Variants in PHLPP1 observed in about 807,000 individuals in gnomAD.
PHLPP1 encodes PH domain leucine-rich repeat-containing protein phosphatase 1.
Under a neutral mutation model 117.2 loss-of-function variants are expected in PHLPP1, and 42 were observed. That is an observed-to-expected ratio of 0.36 (90% CI 0.28 to 0.46). PHLPP1 has a LOEUF of 0.46. Ranked by LOEUF, PHLPP1 falls within the 20% of genes least tolerant of loss-of-function variation. PHLPP1 has a pLI of 1.00. For synonymous variants in PHLPP1, 1,042 were observed against 970.7 expected, an observed-to-expected ratio of 1.07 and a Z score of -1.37; for missense variants, 2,084 against 2,241.9, an observed-to-expected ratio of 0.93 and a Z score of 1.42.
chr18:62,764,176 A>C (rs897982158), intron 1 of PHLPP1, among the ~76,000 whole-genome samples: 2 of 151,260 alleles, frequency 1.3e-5, no homozygotes, highest in Non-Finnish European at 2.9e-5. Flanking sequence ...AAAAAAAAAA[A>C]AAAAAAACAA....
intron 10 of PHLPP1, among the ~76,000 whole-genome samples, chr18:62,930,141 T>C (rs1243738585): frequency 6.6e-6 from 1 of 152,034 alleles, no homozygotes; most frequent in Non-Finnish European, 1.5e-5. Flanking sequence ...AAGACATAAG[T>C]ACAAAGATAA....
At chr18:62,822,136 G>A (rs1055332362) in intron 1 of PHLPP1, among the ~76,000 whole-genome samples, 1 of 151,886 alleles carries the variant, frequency 6.6e-6, no homozygotes, top group Non-Finnish European at 1.5e-5. Context: ...AATCATCTTA[G>A]TTGGTGGCAG....
chr18:62,942,912 T>C (rs551451055), intron 11 of PHLPP1, among the ~76,000 whole-genome samples: 104 of 152,320 alleles, frequency 6.8e-4, no homozygotes, highest in Non-Finnish European at 1.3e-3. Flanking sequence ...TGTAATGAAA[T>C]ATTTACTTTC....
chr18:62,754,762 TAAGAG>T (rs2144239907), intron 1 of PHLPP1, among the ~76,000 whole-genome samples: 1 of 152,280 alleles, frequency 6.6e-6, no homozygotes, highest in Non-Finnish European at 1.5e-5. Context: ...ACATATAAAT[TAAGAG>T]AGAAGAAATA....
intron 1 of PHLPP1, among the ~76,000 whole-genome samples, chr18:62,762,368 T>G (rs1354885749): frequency 6.7e-6 from 1 of 150,086 alleles, no homozygotes; most frequent in East Asian, 1.9e-4. Flanking sequence ...AAGAAACTAG[T>G]GTTTTTCTAG....
chr18:62,971,438 A>G (rs1214088645), intron 14 of PHLPP1, among the ~76,000 whole-genome samples: 1 of 151,494 alleles, frequency 6.6e-6, no homozygotes, highest in East Asian at 1.9e-4. Flanking sequence ...TTGCTTGGAA[A>G]CAGTTTGATT....
At chr18:62,739,499 C>T (rs1007214334) in intron 1 of PHLPP1, among the ~76,000 whole-genome samples, 1 of 151,810 alleles carries the variant, frequency 6.6e-6, no homozygotes, top group African/African-American at 2.4e-5. Flanking sequence ...TTGATTGGTA[C>T]CCTTATGGTT....
chr18:62,842,775 T>C (rs1454810317), intron 3 of PHLPP1, among the ~76,000 whole-genome samples: 1 of 152,200 alleles, frequency 6.6e-6, no homozygotes, highest in African/African-American at 2.4e-5. Context: ...GACAAATGAA[T>C]TGTAAAGGAC....
At chr18:62,827,435 T>G (rs1914640258) in intron 1 of PHLPP1, among the ~76,000 whole-genome samples, 1 of 152,182 alleles carries the variant, frequency 6.6e-6, no homozygotes. Context: ...GCAAAAATAT[T>G]CCTTATGTTG....
chr18:62,845,021 A>G (rs1322080926), intron 3 of PHLPP1, among the ~76,000 whole-genome samples: 5 of 152,216 alleles, frequency 3.3e-5, no homozygotes, highest in African/African-American at 1.2e-4. Context: ...TAGGCATTTT[A>G]TCTTCAACAT....
intron 10 of PHLPP1, among the ~76,000 whole-genome samples, chr18:62,938,260 G>A (rs1299594293): frequency 6.6e-6 from 1 of 152,172 alleles, no homozygotes; most frequent in Non-Finnish European, 1.5e-5. Context: ...ATCATACAGA[G>A]TTGAGACCTG....
intron 8 of PHLPP1, among the ~76,000 whole-genome samples, chr18:62,914,632 C>T (rs376455479): frequency 6.6e-6 from 1 of 152,142 alleles, no homozygotes; most frequent in African/African-American, 2.4e-5. Flanking sequence ...AATGGAGTCT[C>T]GCTTTGTTGC....
At position 62,716,129 on chromosome 18, in the gene PHLPP1, C is replaced by T. The variant is rs1251341722; in HGVS notation, c.446C>T (p.Ser149Leu). 3 of 1,516,626 alleles carry T rather than the reference C, an allele frequency of 2.0e-6. No individual in the cohort carries two copies. Among genetic ancestry groups the T allele is most frequent in the Non-Finnish European group, 2.6e-6 (3 of 1,139,040 alleles). 93.9% of individuals were successfully genotyped at this position (1,516,626 alleles called of 1,614,324 possible). ...SSSSSSAAAA[S>L]HSPGAAGLPA... ...TCGTCGTCCTCGGCCGCTGCTGCCT[C>T]GCACTCCCCCGGCGCTGCCGGCCTC... The change falls in exon 1 of 17, where the codon TCG (serine) becomes TTG (leucine). Residue 149 changes from serine (S) to leucine (L), a missense_variant. Around this residue, in one of 2 missense-constraint regions of PHLPP1, gnomAD observed 719 missense variants for 636.0 expected, o/e 1.13. Coordinates refer to ENST00000262719, the MANE Select transcript of PHLPP1 (RefSeq NM_194449.4). This position sits in a 1 kb window ranked among gnomAD's most constrained non-coding sequence, Gnocchi z 5.7.
At chr18:62,924,862 A>G (rs1909578312) in intron 10 of PHLPP1, among the ~76,000 whole-genome samples, 1 of 150,698 alleles carries the variant, frequency 6.6e-6, no homozygotes, top group Non-Finnish European at 1.5e-5. Context: ...AAGGTATTAC[A>G]ACTTTAGAAT....
intron 16 of PHLPP1, among the ~76,000 whole-genome samples, chr18:62,976,786 C>T (rs1025024227): frequency 9.2e-5 from 14 of 152,200 alleles, no homozygotes; most frequent in Non-Finnish European, 1.8e-4. Flanking sequence ...GAGTCCACCC[C>T]AAACTGTACA....
chr18:62,763,330 G>A (rs1168284526), intron 1 of PHLPP1, among the ~76,000 whole-genome samples: 4 of 152,132 alleles, frequency 2.6e-5, no homozygotes, highest in Non-Finnish European at 4.4e-5. Context: ...TCTGACCTCC[G>A]GTGGAACTCG....
At chr18:62,953,445 T>G (rs1910521871) in intron 12 of PHLPP1, among the ~76,000 whole-genome samples, 1 of 152,230 alleles carries the variant, frequency 6.6e-6, no homozygotes. Flanking sequence ...TTAACTTTGA[T>G]TCTGCACAAA....
At chr18:62,807,863 G>A (rs955997378) in intron 1 of PHLPP1, among the ~76,000 whole-genome samples, 1 of 152,210 alleles carries the variant, frequency 6.6e-6, no homozygotes, top group Non-Finnish European at 1.5e-5. Context: ...GGGTGGGTCA[G>A]TGAGTGAGTG....
intron 1 of PHLPP1, among the ~76,000 whole-genome samples, chr18:62,781,453 T>C (rs1913117369): frequency 6.6e-6 from 1 of 152,186 alleles, no homozygotes; most frequent in African/African-American, 2.4e-5. Context: ...CTAACCTGGC[T>C]CTATCACTGG....
Sources: gnomAD v4.1 joint callset for allele counts (sites outside exome capture counted in the v4.1 genomes callset) on GRCh38, gnomAD v4.1.1 for gene constraint, gnomAD v4.1.1 regional missense constraint, Gnocchi (gnomAD v3.1) non-coding constraint, MANE v1.5 for transcripts, NCBI Gene and HGNC (gene_info 2026-07-23, HGNC 2026-07-21) for gene names.